Variants in PRKCB observed in about 807,000 individuals in gnomAD.
PRKCB encodes the protein protein kinase C beta type.
A neutral mutation model predicts 81.5 loss-of-function variants in PRKCB; 13 were observed. The ratio of observed to expected loss-of-function variants is 0.16; its 90% CI spans 0.10 to 0.25. PRKCB has a LOEUF of 0.25. Among genes scored for constraint, PRKCB ranks in the 10% least tolerant of loss-of-function variants. The pLI, the probability that PRKCB is intolerant of heterozygous loss-of-function variation, is 1.00. For synonymous variants in PRKCB, 335 were observed against 321.4 expected (o/e 1.04, Z -0.45); for missense variants, 509 against 875.7 (o/e 0.58, Z 5.29).
chr16:24,160,836 G>A (rs1328176814), intron 10 of PRKCB, among the ~76,000 whole-genome samples: 2 of 152,164 alleles, frequency 1.3e-5, no homozygotes, highest in East Asian at 1.9e-4. Flanking sequence ...AAGCAAGGGA[G>A]CGGGGCATGT....
intron 2 of PRKCB, among the ~76,000 whole-genome samples, chr16:23,923,929 C>G (rs1014313514): frequency 1.3e-5 from 2 of 152,058 alleles, no homozygotes; most frequent in South Asian, 4.1e-4. Flanking sequence ...ATTGGCAAGT[C>G]TCGTATTGGT....
intron 16 of PRKCB, among the ~76,000 whole-genome samples, chr16:24,210,142 A>G (rs141311670): frequency 1.2e-3 from 189 of 152,130 alleles, no homozygotes; most frequent in African/African-American, 4.4e-3. Context: ...ATAAAAACAA[A>G]ACATACGTCA....
At position 23,926,432 on chromosome 16, in the gene PRKCB, C is replaced by T. The variant is rs1028286130; in HGVS notation, c.206-62076C>T. On this transcript the variant is annotated intron_variant, in intron 2 of 16. Transcript: ENST00000643927. ...CCGGGAGGTGGAGGTTGCAGTGAGC[C>T]GAGATTGCCCCACTGCACTCCAGCC... 8.9e-4 allele frequency among the ~76,000 whole-genome samples: 134 copies of T among 150,450 alleles called. 3 individuals carry two copies. The highest frequency in any genetic ancestry group is 8.7e-3 in the Admixed American group (132 of 15,110).
At chr16:23,867,385 G>A (rs1282809609) in intron 2 of PRKCB, among the ~76,000 whole-genome samples, 1 of 152,194 alleles carries the variant, frequency 6.6e-6, no homozygotes, top group Non-Finnish European at 1.5e-5. Flanking sequence ...GCCTCCCAAA[G>A]TGCTGGGATT....
chr16:24,140,013 T>C (rs908474043), intron 9 of PRKCB, among the ~76,000 whole-genome samples: 5 of 152,352 alleles, frequency 3.3e-5, no homozygotes, highest in Middle Eastern at 3.4e-3. Flanking sequence ...TGCCTTCTCC[T>C]AAACAGACTG....
chr16:24,051,555 G>T (rs1243029748), intron 5 of PRKCB, among the ~76,000 whole-genome samples: 2 of 152,040 alleles, frequency 1.3e-5, no homozygotes, highest in African/African-American at 4.8e-5. Context: ...GGTCAGCAAG[G>T]CTCCGAGACA....
intron 2 of PRKCB, among the ~76,000 whole-genome samples, chr16:23,911,276 T>A (rs1963649812): frequency 6.6e-6 from 1 of 151,844 alleles, no homozygotes; most frequent in Non-Finnish European, 1.5e-5. Context: ...TACAGGCATG[T>A]GCCACTATGC....
intron 3 of PRKCB, among the ~76,000 whole-genome samples, chr16:24,004,375 G>A (rs1401295612): frequency 6.6e-6 from 1 of 150,832 alleles, no homozygotes; most frequent in African/African-American, 2.4e-5. Context: ...AAAAGAAATA[G>A]GACTCAAAAC....
intron 2 of PRKCB, among the ~76,000 whole-genome samples, chr16:23,854,556 C>T (rs1424703961): frequency 3.9e-5 from 6 of 152,066 alleles, no homozygotes. Flanking sequence ...AGTGGGCTAT[C>T]CTGAGCATGG....
chr16:23,995,621 C>T (rs951179887), intron 3 of PRKCB, among the ~76,000 whole-genome samples: 13 of 152,050 alleles, frequency 8.5e-5, no homozygotes, highest in Non-Finnish European at 1.2e-4. Flanking sequence ...TCTAAACCAC[C>T]GAGCCATAAA....
intron 5 of PRKCB, among the ~76,000 whole-genome samples, chr16:24,060,621 G>T (rs529552627): frequency 6.6e-6 from 1 of 152,290 alleles, no homozygotes; most frequent in East Asian, 1.9e-4. Flanking sequence ...CGTAGGATTT[G>T]CCCTGAGGGA....
At chr16:24,011,730 G>A (rs146523826) in intron 3 of PRKCB, among the ~76,000 whole-genome samples, 1 of 151,936 alleles carries the variant, frequency 6.6e-6, no homozygotes, top group Non-Finnish European at 1.5e-5. Flanking sequence ...TTGCCCGGAT[G>A]GGTCTTAGCC....
chr16:23,945,228 G>T (rs922875939), intron 2 of PRKCB, among the ~76,000 whole-genome samples: 2 of 152,142 alleles, frequency 1.3e-5, no homozygotes, highest in East Asian at 1.9e-4. Context: ...AACATGAAAG[G>T]CCTGGTCTTT....
At chr16:23,863,184 ATACATACATACGTATATATGTG>A (rs1962707242) in intron 2 of PRKCB, among the ~76,000 whole-genome samples, 1 of 70,430 alleles carries the variant, frequency 1.4e-5, no homozygotes, top group African/African-American at 6.8e-5. Flanking sequence ...ATATATGTGT[ATACATACATACGTATATATGTG>A]TATATATACA....
intron 11 of PRKCB, among the ~76,000 whole-genome samples, chr16:24,172,937 G>A (rs1010950472): frequency 1.3e-5 from 2 of 152,168 alleles, no homozygotes; most frequent in Admixed American, 6.5e-5. Context: ...TTAACCTTGA[G>A]AATAACTCTG....
At chr16:23,906,256 G>A (rs1263551581) in intron 2 of PRKCB, among the ~76,000 whole-genome samples, 1 of 151,966 alleles carries the variant, frequency 6.6e-6, no homozygotes, top group Non-Finnish European at 1.5e-5. Context: ...CTAGTATCTC[G>A]CTATCATCTT....
intron 8 of PRKCB, among the ~76,000 whole-genome samples, chr16:24,118,393 G>T (rs1596556096): frequency 2.0e-5 from 3 of 152,240 alleles, no homozygotes; most frequent in Admixed American, 1.3e-4. Context: ...GATAAATAAA[G>T]CTCAGAACAT....
intron 3 of PRKCB, among the ~76,000 whole-genome samples, chr16:23,992,115 A>G (rs1163164630): frequency 3.9e-5 from 6 of 152,228 alleles, no homozygotes; most frequent in Admixed American, 3.3e-4. Flanking sequence ...TGTATGAGAA[A>G]GTGAGCTCTC....
Position 24,123,857 on chromosome 16 carries a change from C to T in PRKCB, c.941C>T (p.Thr314Ile). 1 of 1,614,054 alleles carries T rather than the reference C, an allele frequency of 6.2e-7. No individual in the cohort carries two copies. Residue 314 changes from threonine to isoleucine, a missense_variant, in exon 9 of 17, where the codon ACC becomes ATC. Thr to Ile is a moderately conservative substitution (Grantham distance 89, BLOSUM62 -1). Transcript: ENST00000643927. ...KFERAKISQG[T>I]KVPEEKTTNT... The stretch of plus-strand genomic sequence containing the variant: ...CAGAGGGCCAAGATCAGTCAGGGAA[C>T]CAAGGTCCCGGAAGAAAAGACGACC...
Sources: allele counts gnomAD v4.1 joint callset (sites outside exome capture counted in the v4.1 genomes callset), GRCh38; gene constraint gnomAD v4.1.1; transcripts MANE v1.5; gene names NCBI Gene and HGNC (gene_info 2026-07-23, HGNC 2026-07-21).